PTPRD: variants seen among roughly 807,000 people sequenced by gnomAD.
PTPRD encodes the protein receptor-type tyrosine-protein phosphatase delta.
PTPRD carries 34 observed loss-of-function variants against 214.5 expected under a neutral mutation model. The observed-to-expected ratio is 0.16, with a 90% CI of 0.12 to 0.21. The LOEUF (loss-of-function observed/expected upper bound fraction) is 0.21. Among genes scored for constraint, PTPRD ranks in the 10% least tolerant of loss-of-function variants. PTPRD has a pLI of 1.00. For synonymous variants in PTPRD, 1,128 were observed against 845.7 expected, an observed-to-expected ratio of 1.33 and a Z score of -5.79; for missense variants, 2,545 against 2,398.7, an observed-to-expected ratio of 1.06 and a Z score of -1.27.
chr9:8,968,121 A>G (rs971132393), intron 11 of PTPRD, among the ~76,000 whole-genome samples: 1 of 152,022 alleles, frequency 6.6e-6, no homozygotes, highest in African/African-American at 2.4e-5. Flanking sequence ...TCCACGGTGT[A>G]TATGTGCCAC....
At chr9:9,760,465 C>G (rs1198990113) in intron 6 of PTPRD, among the ~76,000 whole-genome samples, 3 of 152,042 alleles carry the variant, frequency 2.0e-5, no homozygotes, top group African/African-American at 7.2e-5. Context: ...ACCTTCTTAA[C>G]TGTCACATGT....
intron 39 of PTPRD, among the ~76,000 whole-genome samples, chr9:8,370,365 G>C (rs757661083): frequency 2.0e-5 from 3 of 152,058 alleles, no homozygotes; most frequent in Non-Finnish European, 4.4e-5. Flanking sequence ...TGGATATAAT[G>C]ATGGGTAAAC....
intron 3 of PTPRD, among the ~76,000 whole-genome samples, chr9:10,320,835 C>A (rs1008353576): frequency 1.3e-5 from 2 of 152,022 alleles, no homozygotes; most frequent in Non-Finnish European, 2.9e-5. Flanking sequence ...TCAAGTGATC[C>A]TCCCATCTTA....
chr9:8,759,343 T>G (rs1354256031), intron 11 of PTPRD, among the ~76,000 whole-genome samples: 1 of 152,122 alleles, frequency 6.6e-6, no homozygotes, highest in East Asian at 1.9e-4. Context: ...TGAGCCACCA[T>G]GCCCGGCCTA....
At chr9:10,023,186 A>C (rs949294693) in intron 4 of PTPRD, among the ~76,000 whole-genome samples, 1 of 152,190 alleles carries the variant, frequency 6.6e-6, no homozygotes, top group Admixed American at 6.5e-5. Flanking sequence ...GTATATACAT[A>C]AATGTATCAC....
Position 8,633,444 on chromosome 9 carries a change from G to A in PTPRD, c.225C>T (p.Asp75=), listed in dbSNP as rs373420151. ...TTCTGAGAACTGATCCAGACCCATC[G>A]TCAAACTCTATTACCTATTAGAGGA... ...SNQRFEVIEF[D]DGSGSVLRIQ... is the part of the protein sequence containing the mutation. Residue 75 remains aspartate (D), a synonymous_variant, in exon 14 of 46, where the codon GAC becomes GAT. Transcript: ENST00000381196. The A allele has an allele frequency of 1.1e-5, 18 of 1,611,944 alleles. No homozygotes were observed. The highest frequency in any genetic ancestry group is 1.6e-4 in the Middle Eastern group (1 of 6,062).
intron 11 of PTPRD, among the ~76,000 whole-genome samples, chr9:8,954,736 C>A (rs1053794195): frequency 6.6e-6 from 1 of 151,708 alleles, no homozygotes; most frequent in Non-Finnish European, 1.5e-5. Context: ...TTTTCTTGGG[C>A]ATTTAGATAC....
intron 10 of PTPRD, among the ~76,000 whole-genome samples, chr9:9,051,290 C>T (rs1177257188): frequency 6.6e-6 from 1 of 151,938 alleles, no homozygotes; most frequent in African/African-American, 2.4e-5. Flanking sequence ...GTTTTTAAAC[C>T]TGAAGGTGGT....
intron 11 of PTPRD, among the ~76,000 whole-genome samples, chr9:8,980,717 T>G (rs902206889): frequency 6.6e-6 from 1 of 152,108 alleles, no homozygotes; most frequent in African/African-American, 2.4e-5. Flanking sequence ...TAAATATATG[T>G]AGCCCCAAAT....
intron 3 of PTPRD, among the ~76,000 whole-genome samples, chr9:10,334,317 G>C (rs140517862): frequency 8.6e-4 from 130 of 151,662 alleles, no homozygotes; most frequent in African/African-American, 3.0e-3. Context: ...AATACCAATA[G>C]ATCCAGAAAA....
intron 2 of PTPRD, among the ~76,000 whole-genome samples, chr9:10,457,518 A>G (rs74710164): frequency 0.07 from 10,687 of 151,940 alleles, 578 homozygotes; most frequent in African/African-American, 0.14. Context: ...CACTTCATTT[A>G]TTTCTTCTAC....
At chr9:9,963,776 C>T (rs1489434173) in intron 4 of PTPRD, among the ~76,000 whole-genome samples, 2 of 152,100 alleles carry the variant, frequency 1.3e-5, no homozygotes, top group Non-Finnish European at 2.9e-5. Flanking sequence ...CTTATGGCTT[C>T]AATTTAGTTC....
chr9:8,498,640 TG>T (rs1226966638), intron 25 of PTPRD, among the ~76,000 whole-genome samples: 1 of 152,232 alleles, frequency 6.6e-6, no homozygotes, highest in Admixed American at 6.5e-5. Flanking sequence ...AAATTTCAAA[TG>T]TTTTTACAAA....
intron 9 of PTPRD, among the ~76,000 whole-genome samples, chr9:9,242,726 C>T (rs13283733): frequency 0.24 from 36,961 of 152,008 alleles, 5,244 homozygotes; most frequent in Middle Eastern, 0.34. Flanking sequence ...ACTGGTTATT[C>T]TAGTTAGCCA....
intron 8 of PTPRD, among the ~76,000 whole-genome samples, chr9:9,434,829 T>C (rs1382594908): frequency 1.3e-5 from 2 of 149,008 alleles, no homozygotes; most frequent in African/African-American, 2.4e-5. Context: ...CAAAGCCAGA[T>C]TATATATTAT....
rs542147990 is a variant in PTPRD, at chr9:9,500,357, G to A, written c.-237+74375C>T. 2.0e-5 allele frequency among the ~76,000 whole-genome samples: 3 copies of A among 152,160 alleles called. 1 individual carries two copies. The East Asian group carries it at 5.8e-4, about 29-fold the overall frequency. On this transcript the variant is annotated intron_variant, in intron 8 of 45. Coordinates refer to ENST00000381196, the MANE Select transcript of PTPRD (RefSeq NM_002839.4). The stretch of plus-strand genomic sequence containing the variant: ...GCATTCCAGGGTAATGATTTTTGAA[G>A]GATAACAAAATGAATTAGGTTCTAC...
At chr9:9,204,894 A>C (rs2099943932) in intron 9 of PTPRD, among the ~76,000 whole-genome samples, 1 of 152,188 alleles carries the variant, frequency 6.6e-6, no homozygotes, top group Non-Finnish European at 1.5e-5. Context: ...TAAGAATTTC[A>C]GAGTTCATAA....
intron 11 of PTPRD, among the ~76,000 whole-genome samples, chr9:8,900,517 T>C (rs1007959331): frequency 1.3e-5 from 2 of 152,232 alleles, no homozygotes; most frequent in East Asian, 1.9e-4. Flanking sequence ...TTATTAATTT[T>C]AAAATAATCA....
chr9:9,520,490 C>T lies in PTPRD; in HGVS notation c.-237+54242G>A, dbSNP rs148465830. Among the ~76,000 whole-genome samples the T allele has an allele frequency of 2.0e-3, 311 of 152,110 alleles. 1 individual carries two copies. The highest frequency in any genetic ancestry group is 7.3e-3 in the African/African-American group (303 of 41,518). Reference sequence around the variant, plus strand: ...AGCATTTAATTTACACATTCCCATGCATTTGTGTGTTCTCATAACTGGAAG... The same window carrying T: ...AGCATTTAATTTACACATTCCCATGTATTTGTGTGTTCTCATAACTGGAAG... On this transcript the variant is annotated intron_variant, in intron 8 of 45. Transcript: ENST00000381196.
Sources: allele counts gnomAD v4.1 joint callset (sites outside exome capture counted in the v4.1 genomes callset), GRCh38; gene constraint gnomAD v4.1.1; transcripts MANE v1.5; gene names NCBI Gene and HGNC (gene_info 2026-07-23, HGNC 2026-07-21).